Variants in KHDRBS2 observed in about 807,000 individuals in gnomAD.
KHDRBS2 encodes KH domain-containing, RNA-binding, signal transduction-associated protein 2.
In KHDRBS2, 26 loss-of-function variants were observed where a neutral mutation model predicts 44.3. The observed-to-expected ratio is 0.59, with a 90% confidence interval of 0.43 to 0.81. The LOEUF (loss-of-function observed/expected upper bound fraction) is 0.81, where lower values mean the gene tolerates loss of function less well. Among genes scored for constraint, KHDRBS2 ranks in the 40% least tolerant of loss-of-function variants. The pLI is 0.00. For synonymous variants in KHDRBS2, 194 were observed against 151.1 expected (o/e 1.28, Z -2.08); for missense variants, 476 against 433.1 (o/e 1.10, Z -0.88).
intron 3 of KHDRBS2, among the ~76,000 whole-genome samples, chr6:62,014,815 C>A (rs1345336824): frequency 6.6e-6 from 1 of 152,082 alleles, no homozygotes; most frequent in South Asian, 2.1e-4. Flanking sequence ...CTATTTTTGA[C>A]AACTTGTCAT....
At chr6:61,626,315 G>A in the KHDRBS2 span, among the ~76,000 whole-genome samples, 1 of 152,164 alleles carries the variant, frequency 6.6e-6, no homozygotes, top group African/African-American at 2.4e-5. Context: ...TGTGAGTATT[G>A]TTGCAGGTAC....
intron 3 of KHDRBS2, among the ~76,000 whole-genome samples, chr6:61,993,650 C>CATATAT (rs1188471190): frequency 0.02 from 1,347 of 66,348 alleles, 50 homozygotes; most frequent in African/African-American, 0.027. Flanking sequence ...CCCATAAAAT[C>CATATAT]ATATATATAT....
intron 3 of KHDRBS2, among the ~76,000 whole-genome samples, chr6:62,022,003 CTA>C (rs1351137846): frequency 6.8e-6 from 1 of 147,968 alleles, no homozygotes; most frequent in Admixed American, 6.8e-5. Flanking sequence ...TATACACACA[CTA>C]TATATATATA....
chr6:61,644,559 C>A, the KHDRBS2 span, among the ~76,000 whole-genome samples: 5 of 151,956 alleles, frequency 3.3e-5, no homozygotes, highest in Admixed American at 3.3e-4. Context: ...AAATTGTGCT[C>A]TGACAAAGGT....
chr6:62,082,310 G>GGTGCGT (rs1554385883), intron 2 of KHDRBS2, among the ~76,000 whole-genome samples: 1 of 149,038 alleles, frequency 6.7e-6, no homozygotes, highest in Non-Finnish European at 1.5e-5. Flanking sequence ...AATACACACT[G>GGTGCGT]GTGTGTGTGT....
At chr6:61,644,029 G>A in the KHDRBS2 span, among the ~76,000 whole-genome samples, 2 of 152,092 alleles carry the variant, frequency 1.3e-5, no homozygotes, top group South Asian at 4.1e-4. Flanking sequence ...AAAGCTGGGG[G>A]CATCAAGTTA....
At chr6:62,048,942 C>CTCTTT (rs1023427762) in intron 2 of KHDRBS2, among the ~76,000 whole-genome samples, 1 of 151,786 alleles carries the variant, frequency 6.6e-6, no homozygotes, top group Middle Eastern at 3.2e-3. Flanking sequence ...TTCTTTCCTT[C>CTCTTT]TCTTTTCTTT....
intron 1 of KHDRBS2, among the ~76,000 whole-genome samples, chr6:62,200,497 C>T (rs1010343448): frequency 1.3e-5 from 2 of 152,188 alleles, no homozygotes; most frequent in African/African-American, 4.8e-5. Context: ...CTTATCATCA[C>T]CGGCCATCAG....
intron 7 of KHDRBS2, among the ~76,000 whole-genome samples, chr6:61,720,240 G>A (rs1252135589): frequency 3.3e-5 from 5 of 152,152 alleles, no homozygotes; most frequent in East Asian, 1.9e-4. Context: ...ATAAACATAC[G>A]TGTGCATGTG....
At chr6:62,008,447 G>A (rs953412762) in intron 3 of KHDRBS2, among the ~76,000 whole-genome samples, 1 of 152,058 alleles carries the variant, frequency 6.6e-6, no homozygotes, top group Non-Finnish European at 1.5e-5. Context: ...TTAGAATAAT[G>A]CTCAATAGTT....
chr6:61,597,769 T>TAC, the KHDRBS2 span, among the ~76,000 whole-genome samples: 3 of 27,372 alleles, frequency 1.1e-4, no homozygotes, highest in East Asian at 4.1e-3. Flanking sequence ...CATATATATA[T>TAC]ATATACACCA....
At chr6:62,257,623 G>T (rs1340111229) in intron 1 of KHDRBS2, among the ~76,000 whole-genome samples, 2 of 151,992 alleles carry the variant, frequency 1.3e-5, no homozygotes, top group East Asian at 3.9e-4. Flanking sequence ...GGCAGAGGTG[G>T]CCCCTGTAGC....
the KHDRBS2 span, among the ~76,000 whole-genome samples, chr6:61,649,707 C>T: frequency 1.3e-5 from 2 of 152,122 alleles, no homozygotes; most frequent in Non-Finnish European, 2.9e-5. Flanking sequence ...TCCAAACCAT[C>T]ACAAAATTCT....
intron 2 of KHDRBS2, among the ~76,000 whole-genome samples, chr6:62,125,390 G>A (rs1294813726): frequency 6.6e-6 from 1 of 152,130 alleles, no homozygotes; most frequent in Non-Finnish European, 1.5e-5. Flanking sequence ...GTGCTCTAGG[G>A]TCCTCAGTGA....
intron 1 of KHDRBS2, among the ~76,000 whole-genome samples, chr6:62,246,102 T>TATATATATA (rs1835498957): frequency 4.8e-5 from 6 of 124,332 alleles, no homozygotes; most frequent in African/African-American, 1.7e-4. Context: ...TCAATCAATT[T>TATATATATA]TATATATATA....
chr6:61,599,847 G>A, the KHDRBS2 span, among the ~76,000 whole-genome samples: 1 of 152,136 alleles, frequency 6.6e-6, no homozygotes, highest in African/African-American at 2.4e-5. Context: ...TCCCCCAAAT[G>A]GCAGAGACCA....
chr6:62,285,760 C>G (rs1193218918), intron 1 of KHDRBS2, 98 bp downstream of exon 1: 5 of 746,398 alleles, frequency 6.7e-6, no homozygotes, highest in Non-Finnish European at 1.1e-5. Flanking sequence ...TCTGCGAAGG[C>G]GGGGAGAGGA....
intron 6 of KHDRBS2, among the ~76,000 whole-genome samples, chr6:61,831,676 T>C (rs1438613315): frequency 6.6e-6 from 1 of 152,144 alleles, no homozygotes; most frequent in Non-Finnish European, 1.5e-5. Flanking sequence ...ATATGATCAA[T>C]AGATTTATCT....
intron 1 of KHDRBS2, among the ~76,000 whole-genome samples, chr6:62,196,343 A>G (rs1825696564): frequency 6.6e-6 from 1 of 152,158 alleles, no homozygotes; most frequent in African/African-American, 2.4e-5. Flanking sequence ...ATTACTTCCC[A>G]ATAAGTATAC....
Sources: allele counts gnomAD v4.1 joint callset (sites outside exome capture counted in the v4.1 genomes callset), GRCh38; gene constraint gnomAD v4.1.1; transcripts MANE v1.5; gene names NCBI Gene and HGNC (gene_info 2026-07-23, HGNC 2026-07-21).